The following RYR1 variants were observed in gnomAD, a reference collection of about 807,000 sequenced individuals.
The protein encoded by RYR1 is ryanodine receptor 1.
A neutral mutation model predicts 583.5 loss-of-function variants in RYR1; 342 were observed. That is an observed-to-expected ratio of 0.59 (90% confidence interval 0.54 to 0.64). The LOEUF is 0.64. Ranked by LOEUF, RYR1 falls within the 30% of genes least tolerant of loss-of-function variation. The probability of loss-of-function intolerance (pLI) is 0.00; values close to 1 mark genes in which losing one functional copy is unlikely to be tolerated. For missense variants in RYR1, 6,032 were observed against 6,917.2 expected (o/e 0.87, Z 4.54); for synonymous variants, 2,791 against 2,822.5 (o/e 0.99, Z 0.35).
intron 89 of RYR1, among the ~76,000 whole-genome samples, chr19:38,560,567 A>C (rs1973079480): frequency 6.6e-6 from 1 of 151,010 alleles, no homozygotes; most frequent in Admixed American, 6.6e-5. Flanking sequence ...TATCTCACTA[A>C]AAATACAAAA....
At chr19:38,509,269 T>C (rs1054624707) in intron 58 of RYR1, among the ~76,000 whole-genome samples, 1 of 152,060 alleles carries the variant, frequency 6.6e-6, no homozygotes, top group African/African-American at 2.4e-5. Flanking sequence ...GTTCTGTTAC[T>C]TACTGGGTGA....
At position 38,512,079 on chromosome 19, in the gene RYR1, C is replaced by T. The variant is rs765552320; in HGVS notation, c.9180C>T (p.Asp3060=). 1.5e-5 allele frequency: 25 copies of T among 1,613,956 alleles called. No homozygotes were observed. Among genetic ancestry groups the T allele is most frequent in the African/African-American group, 5.3e-5 (4 of 74,926 alleles). The change falls in exon 62 of 106, where the codon GAC becomes GAT. Residue 3060 remains aspartate, a synonymous_variant. Transcript: ENST00000359596. The surrounding 1 kb of genome is among the most constrained non-coding windows in gnomAD (Gnocchi z 5.1). ...CCCATCTTCCTCTCCCAGGGACAGA[C>T]GCCCCAGCTGTGGTCAACTGTCTTC... The part of the protein sequence containing the change: ...VRHRVSLFGT[D]APAVVNCLHI...
rs374065822 is a variant in RYR1, at chr19:38,578,133, C to T, written c.14304-11C>T. ...ACACTCAAGCATCTCTCCCCACCCC[C>T]GCCCCCACAGGCTCATGTCCATCGA... On this transcript the variant is annotated splice_polypyrimidine_tract_variant and intron_variant, in intron 98 of 105. Coordinates refer to ENST00000359596, the MANE Select transcript of RYR1 (RefSeq NM_000540.3). The T allele has an allele frequency of 3.0e-5, 48 of 1,613,124 alleles. No individual in the cohort carries two copies. The highest frequency in any genetic ancestry group is 2.9e-4 in the South Asian group (26 of 90,990).
intron 66 of RYR1, among the ~76,000 whole-genome samples, chr19:38,518,867 C>T (rs1398131191): frequency 6.6e-6 from 1 of 151,308 alleles, no homozygotes; most frequent in African/African-American, 2.4e-5. Flanking sequence ...GCAGAGGTTG[C>T]AGTGAGCCAA....
intron 67 of RYR1, 58 bp from the exon 68 acceptor site, chr19:38,522,970 G>C: frequency 4.4e-6 from 6 of 1,371,190 alleles, no homozygotes; most frequent in Non-Finnish European, 6.1e-6. Flanking sequence ...CTCTCTCTGG[G>C]CAGCCCCCTT....
intron 1 of RYR1, among the ~76,000 whole-genome samples, chr19:38,435,467 C>T (rs1411417880): frequency 6.6e-6 from 1 of 152,192 alleles, no homozygotes. Flanking sequence ...CTCAGTGGCT[C>T]ATGCCTGTAA....
chr19:38,506,467 C>T lies in RYR1; in HGVS notation c.8617-4C>T, dbSNP rs1703156766. The stretch of plus-strand genomic sequence containing the variant: ...CTAGCCCTTGACTCTGCATCCACTC[C>T]CAGGCCATGGCAGAACAACTGGCAG... On this transcript the variant is annotated splice_region_variant and splice_polypyrimidine_tract_variant and intron_variant, in intron 55 of 105. Coordinates refer to ENST00000359596, the MANE Select transcript of RYR1 (RefSeq NM_000540.3). The T allele has an allele frequency of 2.5e-6, 4 of 1,614,088 alleles. No individual in the cohort carries two copies. The highest frequency in any genetic ancestry group is 3.4e-6 in the Non-Finnish European group (4 of 1,180,030).
Position 38,464,836 on chromosome 19 carries a change from A to C in RYR1, c.2870+114A>C, listed in dbSNP as rs779648069. On this transcript the variant is annotated intron_variant, in intron 23 of 105. Coordinates refer to ENST00000359596, the MANE Select transcript of RYR1 (RefSeq NM_000540.3). Reference sequence around the variant, plus strand: ...GGGAGGCTGAGGTTAGGGAGGAAGGAGACTTGGGTTAGGGTGAAGGTCATA... The same window carrying C: ...GGGAGGCTGAGGTTAGGGAGGAAGGCGACTTGGGTTAGGGTGAAGGTCATA... 1.0e-4 allele frequency: 92 copies of C among 902,532 alleles called. 1 individual carries two copies. The highest frequency in any genetic ancestry group is 1.6e-4 in the Non-Finnish European group (91 of 562,074). The allele number at this position is 902,532 out of a possible 1,614,324, so 55.9% of individuals were successfully genotyped here.
At chr19:38,463,369 G>T in intron 20 of RYR1, 54 bp from the exon 21 acceptor site, 1 of 1,493,600 alleles carries the variant, frequency 6.7e-7, no homozygotes, top group Non-Finnish European at 9.3e-7. Flanking sequence ...GAGGGGTCAT[G>T]ATGGAGGAGG....
rs61386233 is a variant in RYR1 at position 38,456,274 on chromosome 19, A to T, written c.1791+523A>T. On this transcript the variant is annotated intron_variant, in intron 16 of 105. Coordinates refer to ENST00000359596, the MANE Select transcript of RYR1 (RefSeq NM_000540.3). ...CAGGCGTGAACCACCAGCGCCTGGC[A>T]TTTTTTTTTTTTTTTTTTTGATACA... Among the ~76,000 whole-genome samples the T allele has an allele frequency of 3.5e-3, 377 of 106,682 alleles. 3 individuals carry two copies. Among genetic ancestry groups the T allele is most frequent in the African/African-American group, 0.013 (356 of 26,666 alleles). The allele number at this position is 106,682 out of a possible 152,430, so 70.0% of individuals were successfully genotyped here. A position where few individuals can be genotyped will look rare whatever the true frequency, so the allele number is the denominator to read the frequency against.
Position 38,459,242 on chromosome 19 carries a change from C to G in RYR1, c.2264C>G (p.Ser755Cys). 1 of 1,614,146 alleles carries G rather than the reference C, an allele frequency of 6.2e-7. No individual in the cohort carries two copies. The highest frequency in any genetic ancestry group is 1.1e-5 in the South Asian group (1 of 91,086). Reference sequence around the variant, plus strand: ...CTGGACCTCAGCGTGCCGTCCATCTCCTTCCGCATCAACGGCTGCCCCGTG... The same window carrying G: ...CTGGACCTCAGCGTGCCGTCCATCTGCTTCCGCATCAACGGCTGCCCCGTG... ...CCLDLSVPSI[S>C]FRINGCPVQG... Residue 755 changes from serine (S) to cysteine (C), a missense_variant, in exon 19 of 106, where the codon TCC (serine) becomes TGC (cysteine). Physicochemically the swap from Ser to Cys is moderately radical, Grantham distance 112 (BLOSUM62 -1). This residue lies in a region of RYR1 where 2,627 missense variants were observed against 2,961.3 expected (regional missense o/e 0.89). Transcript: ENST00000359596.
At chr19:38,546,680 C>T (rs892146767) in intron 88 of RYR1, among the ~76,000 whole-genome samples, 154 bp downstream of exon 88, 2 of 22,582 alleles carry the variant, frequency 8.9e-5, no homozygotes, top group Admixed American at 4.5e-4. Context: ...AGGCCAGATG[C>T]GGTGGCTACA....
intron 24 of RYR1, 129 bp downstream of exon 24, chr19:38,466,527 C>T (rs1258675085): frequency 1.8e-5 from 15 of 855,928 alleles, no homozygotes; most frequent in South Asian, 7.0e-5. Flanking sequence ...TTTTTTGAGA[C>T]GGAGTCTCGC....
At chr19:38,527,186 C>A in intron 72 of RYR1, 134 bp downstream of exon 72, 1 of 965,568 alleles carries the variant, frequency 1.0e-6, no homozygotes, top group Non-Finnish European at 1.6e-6. Context: ...ACCAGCCTGG[C>A]CAATGTGGCG....
chr19:38,534,857 C>A, intron 79 of RYR1, 38 bp downstream of exon 79: 1 of 1,577,454 alleles, frequency 6.3e-7, no homozygotes. Context: ...TCCGAGTGCA[C>A]TCATCCTAAC....
intron 54 of RYR1, 104 bp from the exon 55 acceptor site, chr19:38,506,199 G>T: frequency 8.1e-7 from 1 of 1,233,212 alleles, no homozygotes; most frequent in Non-Finnish European, 1.2e-6. Context: ...TGAGCCAGGG[G>T]AGGGTGGAGG....
At position 38,502,881 on chromosome 19, in the gene RYR1, T is replaced by A; in HGVS notation, c.7837T>A (p.Tyr2613Asn). Residue 2613 changes from tyrosine (Y) to asparagine (N), a missense_variant and splice_region_variant, in exon 49 of 106, where the codon TAC becomes AAC. By Grantham distance (143) the Tyr-to-Asn change is moderately radical. This residue lies in a region of RYR1 where 250 missense variants were observed against 162.3 expected (regional missense o/e 1.54). Coordinates refer to ENST00000359596, the MANE Select transcript of RYR1 (RefSeq NM_000540.3). ...IEDCLMSLCR[Y>N]IRPSMLQHLL... ...TACATCTTGTGCATTGTCCCGCAGG[T>A]ACATCCGCCCGTCGATGCTGCAGCA... 1.2e-6 allele frequency: 2 copies of A among 1,610,476 alleles called. No homozygotes were observed. The highest frequency in any genetic ancestry group is 8.5e-7 in the Non-Finnish European group (1 of 1,179,860).
At chr19:38,570,892 C>G (rs755159835) in intron 94 of RYR1, among the ~76,000 whole-genome samples, 199 bp downstream of exon 94, 43 of 152,196 alleles carry the variant, frequency 2.8e-4, no homozygotes, top group Non-Finnish European at 6.0e-4. Flanking sequence ...CTGGATCCAT[C>G]TGGGACAGAA....
intron 13 of RYR1, 49 bp downstream of exon 13, chr19:38,453,063 G>A: frequency 6.3e-7 from 1 of 1,583,058 alleles, no homozygotes; most frequent in South Asian, 1.1e-5. Context: ...CAGGGGGCGG[G>A]ACCACTGAGG....
Sources: gnomAD v4.1 joint callset for allele counts (sites outside exome capture counted in the v4.1 genomes callset) on GRCh38, gnomAD v4.1.1 for gene constraint, gnomAD v4.1.1 regional missense constraint, Gnocchi (gnomAD v3.1) non-coding constraint, MANE v1.5 for transcripts, NCBI Gene and HGNC (gene_info 2026-07-23, HGNC 2026-07-21) for gene names.